DLGAP2: variants seen among roughly 807,000 people sequenced by gnomAD.
DLGAP2 encodes DLG associated protein 2.
A neutral mutation model predicts 100.3 loss-of-function variants in DLGAP2; 26 were observed. That is an observed-to-expected ratio of 0.26 (90% CI 0.19 to 0.36). The LOEUF (loss-of-function observed/expected upper bound fraction) is 0.36. Among genes scored for constraint, DLGAP2 ranks in the 10% least tolerant of loss-of-function variants. The pLI, the probability that DLGAP2 is intolerant of heterozygous loss-of-function variation, is 1.00. For missense variants in DLGAP2, 1,858 were observed against 1,453.2 expected, an observed-to-expected ratio of 1.28 and a Z score of -4.53; for synonymous variants, 886 against 630.1, an observed-to-expected ratio of 1.41 and a Z score of -6.08.
intron 1 of DLGAP2, among the ~76,000 whole-genome samples, chr8:836,832 G>A (rs1032753962): frequency 6.6e-6 from 1 of 152,128 alleles, no homozygotes; most frequent in Admixed American, 6.5e-5. Context: ...TCACTTTACC[G>A]AAGGACCATA....
intron 2 of DLGAP2, among the ~76,000 whole-genome samples, chr8:1,082,782 G>T (rs1803854469): frequency 6.6e-6 from 1 of 152,182 alleles, no homozygotes; most frequent in Non-Finnish European, 1.5e-5. Flanking sequence ...ACTACTTTGT[G>T]GAGAGAATCA....
chr8:1,380,781 A>C (rs1428862643), intron 3 of DLGAP2, among the ~76,000 whole-genome samples: 1 of 152,066 alleles, frequency 6.6e-6, no homozygotes, highest in Non-Finnish European at 1.5e-5. Context: ...GCTATTTCGA[A>C]AAAAGTGACA....
chr8:1,196,741 C>T (rs1374608478), intron 2 of DLGAP2, among the ~76,000 whole-genome samples: 3 of 152,298 alleles, frequency 2.0e-5, no homozygotes, highest in African/African-American at 4.8e-5. Context: ...CCAGTAGCTG[C>T]AGTAGGAGCC....
At chr8:1,222,869 A>T (rs915613506) in intron 2 of DLGAP2, among the ~76,000 whole-genome samples, 7 of 152,110 alleles carry the variant, frequency 4.6e-5, no homozygotes, top group African/African-American at 1.4e-4. Flanking sequence ...CGTTCAGATC[A>T]GACTGGCTGC....
intron 1 of DLGAP2, among the ~76,000 whole-genome samples, chr8:774,723 G>C (rs1351118925): frequency 7.3e-5 from 11 of 150,740 alleles, no homozygotes; most frequent in South Asian, 2.1e-4. Context: ...TGTTTTGGTA[G>C]CAGTACCATG....
chr8:1,217,584 G>C (rs77480178), intron 2 of DLGAP2, among the ~76,000 whole-genome samples: 7,267 of 152,064 alleles, frequency 0.048, 478 homozygotes, highest in African/African-American at 0.14. Context: ...ATTTCCTTTA[G>C]CAGTTTTGTA....
chr8:764,338 T>G (rs1164857188), intron 1 of DLGAP2, among the ~76,000 whole-genome samples: 1 of 152,210 alleles, frequency 6.6e-6, no homozygotes, highest in Non-Finnish European at 1.5e-5. Context: ...TTTTTAAACC[T>G]TTACTCGGTA....
intron 3 of DLGAP2, among the ~76,000 whole-genome samples, chr8:1,498,215 C>T (rs941336826): frequency 3.9e-5 from 6 of 152,038 alleles, no homozygotes; most frequent in Non-Finnish European, 5.9e-5. Flanking sequence ...CAGTTCCCAC[C>T]GTGCAGAGGA....
intron 1 of DLGAP2, among the ~76,000 whole-genome samples, chr8:884,831 T>C (rs540290656): frequency 1.3e-5 from 2 of 152,326 alleles, no homozygotes; most frequent in South Asian, 4.1e-4. Flanking sequence ...AGGGGTCCAT[T>C]GTCCGTTTTC....
chr8:972,648 T>C (rs2129012492), intron 2 of DLGAP2, among the ~76,000 whole-genome samples: 2 of 152,202 alleles, frequency 1.3e-5, no homozygotes, highest in East Asian at 3.9e-4. Flanking sequence ...TATTTATCAT[T>C]CTTGTGTGTT....
intron 2 of DLGAP2, among the ~76,000 whole-genome samples, chr8:1,240,500 G>A (rs190009194): frequency 2.4e-4 from 33 of 138,290 alleles, no homozygotes; most frequent in African/African-American, 5.8e-4. Flanking sequence ...CTCACATGGC[G>A]CCGTGTCTAG....
chr8:1,020,099 T>C (rs1365688852), intron 2 of DLGAP2, among the ~76,000 whole-genome samples: 1 of 152,238 alleles, frequency 6.6e-6, no homozygotes, highest in African/African-American at 2.4e-5. Context: ...AAAGCAAATA[T>C]ATCAAGTATA....
intron 2 of DLGAP2, among the ~76,000 whole-genome samples, chr8:986,095 G>C (rs751881600): frequency 6.6e-6 from 1 of 152,114 alleles, no homozygotes; most frequent in South Asian, 2.1e-4. Context: ...ACGTTATTAG[G>C]GGGGAGTATG....
At chr8:827,325 A>G (rs1048265043) in intron 1 of DLGAP2, among the ~76,000 whole-genome samples, 4 of 152,238 alleles carry the variant, frequency 2.6e-5, no homozygotes, top group African/African-American at 9.6e-5. Flanking sequence ...AGGATTTTTC[A>G]TGGGTGTTCT....
intron 4 of DLGAP2, among the ~76,000 whole-genome samples, chr8:1,538,862 G>A (rs184978141): frequency 1.8e-4 from 27 of 149,870 alleles, no homozygotes; most frequent in South Asian, 6.4e-4. Flanking sequence ...ACAGCCCCTC[G>A]TGTCATGACA....
intron 2 of DLGAP2, among the ~76,000 whole-genome samples, chr8:1,125,886 G>T (rs1371999898): frequency 1.3e-5 from 2 of 152,212 alleles, no homozygotes; most frequent in African/African-American, 4.8e-5. Flanking sequence ...GAAAGGCAGG[G>T]AGGACTGTGG....
chr8:1,385,725 G>A (rs1417807562), intron 3 of DLGAP2, among the ~76,000 whole-genome samples: 1 of 137,620 alleles, frequency 7.3e-6, no homozygotes, highest in African/African-American at 2.8e-5. Flanking sequence ...CCCGTCCCCT[G>A]AGAACTTGGT....
At chr8:944,690 G>A (rs1277443267) in intron 2 of DLGAP2, among the ~76,000 whole-genome samples, 1 of 152,028 alleles carries the variant, frequency 6.6e-6, no homozygotes, top group Non-Finnish European at 1.5e-5. Context: ...GTGATCCAGT[G>A]GTTGGTAACG....
chr8:1,308,787 A>G (rs1186076331), intron 3 of DLGAP2, among the ~76,000 whole-genome samples: 4 of 152,218 alleles, frequency 2.6e-5, no homozygotes, highest in Non-Finnish European at 5.9e-5. Context: ...AGCCTCCCCA[A>G]GTGCTGGGAT....
Sources: allele counts gnomAD v4.1 joint callset (sites outside exome capture counted in the v4.1 genomes callset), GRCh38; gene constraint gnomAD v4.1.1; transcripts MANE v1.5; gene names NCBI Gene and HGNC (gene_info 2026-07-23, HGNC 2026-07-21).